The following RABGAP1L variants were observed in gnomAD, a reference collection of about 807,000 sequenced individuals.
The protein encoded by RABGAP1L is rab GTPase-activating protein 1-like.
Under a neutral mutation model 137.7 loss-of-function variants are expected in RABGAP1L, and 63 were observed. The ratio of observed to expected loss-of-function variants is 0.46; its 90% CI spans 0.37 to 0.56. RABGAP1L has a LOEUF of 0.56. Among genes scored for constraint, RABGAP1L ranks in the 20% least tolerant of loss-of-function variants. The pLI, the probability that RABGAP1L is intolerant of heterozygous loss-of-function variation, is 0.00. For synonymous variants in RABGAP1L, 431 were observed against 433.7 expected (o/e 0.99, Z 0.08); for missense variants, 1,095 against 1,244.0 (o/e 0.88, Z 1.80).
chr1:174,360,710 C>A (rs184098203), intron 11 of RABGAP1L, among the ~76,000 whole-genome samples: 4 of 152,260 alleles, frequency 2.6e-5, no homozygotes, highest in Admixed American at 2.6e-4. Flanking sequence ...CAGACTGACT[C>A]CTCCCATCCC....
intron 17 of RABGAP1L, among the ~76,000 whole-genome samples, chr1:174,713,816 T>C (rs2148565631): frequency 6.6e-6 from 1 of 152,278 alleles, no homozygotes; most frequent in African/African-American, 2.4e-5. Context: ...CCAAAATAGG[T>C]CTTGAACCTT....
intron 13 of RABGAP1L, among the ~76,000 whole-genome samples, chr1:174,515,103 GCAATTTT>G (rs1222102315): frequency 1.6e-4 from 25 of 152,076 alleles, no homozygotes; most frequent in South Asian, 1.2e-3. Flanking sequence ...AATTCTCTTA[GCAATTTT>G]CAATGCGTTG....
chr1:174,874,692 A>G (rs960021532), intron 19 of RABGAP1L, among the ~76,000 whole-genome samples: 1 of 151,214 alleles, frequency 6.6e-6, no homozygotes, highest in Middle Eastern at 3.2e-3. Context: ...GGATGGTAAA[A>G]CAGGAGTTCG....
chr1:174,309,980 A>G (rs1242992249), intron 11 of RABGAP1L, among the ~76,000 whole-genome samples: 1 of 152,128 alleles, frequency 6.6e-6, no homozygotes, highest in African/African-American at 2.4e-5. Context: ...CGATGGAGCC[A>G]TCAGGTCCTG....
chr1:174,779,575 T>C (rs1157326414), intron 18 of RABGAP1L, among the ~76,000 whole-genome samples: 1 of 152,170 alleles, frequency 6.6e-6, no homozygotes, highest in Non-Finnish European at 1.5e-5. Context: ...TTTCCAGTTG[T>C]TCTATTTAAG....
intron 14 of RABGAP1L, among the ~76,000 whole-genome samples, chr1:174,658,841 A>G (rs568272397): frequency 4.6e-5 from 7 of 152,206 alleles, no homozygotes; most frequent in Non-Finnish European, 8.8e-5. Context: ...AGTTTTACTT[A>G]TGAGAGTTTG....
chr1:174,277,068 GAT>G (rs1268178109), intron 9 of RABGAP1L, among the ~76,000 whole-genome samples: 67 of 152,040 alleles, frequency 4.4e-4, no homozygotes, highest in Admixed American at 5.9e-4. Flanking sequence ...CGTGAATACT[GAT>G]ATGAAAATAT....
chr1:174,967,564 A>G (rs1042507936), intron 20 of RABGAP1L, among the ~76,000 whole-genome samples: 1 of 151,800 alleles, frequency 6.6e-6, no homozygotes, highest in Non-Finnish European at 1.5e-5. Context: ...CTGGTCTTGA[A>G]CTGACCTCAA....
chr1:174,698,472 G>A (rs1679417366), intron 15 of RABGAP1L, among the ~76,000 whole-genome samples: 1 of 152,062 alleles, frequency 6.6e-6, no homozygotes, highest in South Asian at 2.1e-4. Flanking sequence ...AATTTAAAAT[G>A]CATTTATTTT....
chr1:174,912,996 GA>G (rs2149202203), intron 19 of RABGAP1L, among the ~76,000 whole-genome samples: 1 of 148,924 alleles, frequency 6.7e-6, no homozygotes, highest in South Asian at 2.1e-4. Flanking sequence ...TTTTTTTTGA[GA>G]TGAAGTCTCA....
chr1:174,526,912 G>T (rs956971012), intron 13 of RABGAP1L, among the ~76,000 whole-genome samples: 3 of 152,172 alleles, frequency 2.0e-5, no homozygotes, highest in African/African-American at 7.2e-5. Flanking sequence ...GAGGCATATT[G>T]TCAGATTGTT....
In RABGAP1L at chr1:174,448,497, T is replaced by C. The variant is rs1394815649; in HGVS notation, c.1710+54352T>C. ...ATCTCAGTTCTAAAAAGTGTTTCTA[T>C]GGCATGTCTTGCTTGCATCAGTGTG... On this transcript the variant is annotated intron_variant, in intron 13 of 25. Transcript: ENST00000681986. This position sits in a 1 kb window ranked among gnomAD's most constrained non-coding sequence, Gnocchi z 4.2. 1.2e-6 allele frequency: 2 copies of C among 1,613,688 alleles called. No homozygotes were observed. Among genetic ancestry groups the C allele is most frequent in the African/African-American group, 1.3e-5 (1 of 74,934 alleles).
chr1:174,598,255 G>C (rs1297060703), intron 13 of RABGAP1L, among the ~76,000 whole-genome samples: 1 of 151,498 alleles, frequency 6.6e-6, no homozygotes, highest in Non-Finnish European at 1.5e-5. Context: ...TTGAACCCGG[G>C]AGGCGGAGGT....
chr1:174,711,572 C>T lies in RABGAP1L; in HGVS notation c.2169+9316C>T, dbSNP rs3117842. Among the ~76,000 whole-genome samples, 420 of 152,272 alleles carry T rather than the reference C, an allele frequency of 2.8e-3. 3 individuals carry two copies. The highest frequency in any genetic ancestry group is 9.7e-3 in the African/African-American group (402 of 41,572). Reference sequence around the variant, plus strand: ...AGCTGTGGAGGGTGCACCAGTCCCCCAGCACTGCTGGCCCACCCGCACCAC... The same window carrying T: ...AGCTGTGGAGGGTGCACCAGTCCCCTAGCACTGCTGGCCCACCCGCACCAC... On this transcript the variant is annotated intron_variant, in intron 17 of 25. Coordinates refer to ENST00000681986, the MANE Select transcript of RABGAP1L (RefSeq NM_001366446.1).
chr1:174,400,635 C>G (rs1191823417), intron 13 of RABGAP1L, among the ~76,000 whole-genome samples: 1 of 152,066 alleles, frequency 6.6e-6, no homozygotes, highest in Non-Finnish European at 1.5e-5. Flanking sequence ...ACCTATTCAT[C>G]TTGTTGGGGA....
At chr1:174,859,976 TCCAAA>T (rs1558158983) in intron 19 of RABGAP1L, among the ~76,000 whole-genome samples, 35 of 105,320 alleles carry the variant, frequency 3.3e-4, no homozygotes, top group South Asian at 1.1e-3. Context: ...TTTTTTTTTT[TCCAAA>T]TAAAGTAAGA....
At chr1:174,444,020 T>C (rs1405176130) in intron 13 of RABGAP1L, among the ~76,000 whole-genome samples, 1 of 151,712 alleles carries the variant, frequency 6.6e-6, no homozygotes, top group African/African-American at 2.4e-5. Flanking sequence ...GGTTTCTCTG[T>C]TCTATTCCAT....
At chr1:174,262,895 G>A (rs968969382) in intron 7 of RABGAP1L, among the ~76,000 whole-genome samples, 2 of 152,242 alleles carry the variant, frequency 1.3e-5, no homozygotes, top group Admixed American at 6.5e-5. Flanking sequence ...ACTGCAGGAA[G>A]ATGGGGTTTC....
At chr1:174,501,816 G>GA (rs973295967) in intron 13 of RABGAP1L, among the ~76,000 whole-genome samples, 13 of 151,428 alleles carry the variant, frequency 8.6e-5, no homozygotes, top group African/African-American at 2.9e-4. Context: ...TTTCAGTGGG[G>GA]AAAAAAATAC....
Sources: allele counts gnomAD v4.1 joint callset (sites outside exome capture counted in the v4.1 genomes callset), GRCh38; gene constraint gnomAD v4.1.1; non-coding constraint Gnocchi (gnomAD v3.1); transcripts MANE v1.5; gene names NCBI Gene and HGNC (gene_info 2026-07-23, HGNC 2026-07-21).